The following CLEC16A variants were observed in gnomAD, a reference collection of about 807,000 sequenced individuals.
CLEC16A encodes the protein C-type lectin domain containing 16A.
CLEC16A carries 51 observed loss-of-function variants against 109.5 expected under a neutral mutation model. The ratio of observed to expected loss-of-function variants is 0.47; its 90% CI spans 0.37 to 0.59. CLEC16A has a LOEUF of 0.59. Among genes scored for constraint, CLEC16A ranks in the 20% least tolerant of loss-of-function variants. The pLI is 0.00. For missense variants in CLEC16A, 1,339 were observed against 1,394.0 expected, an observed-to-expected ratio of 0.96 and a Z score of 0.63; for synonymous variants, 673 against 564.2, an observed-to-expected ratio of 1.19 and a Z score of -2.73.
intron 1 of CLEC16A, among the ~76,000 whole-genome samples, chr16:10,948,229 G>C (rs2041532822): frequency 6.6e-6 from 1 of 152,176 alleles, no homozygotes. Context: ...GAGATTTACA[G>C]AAAGGTTGAG....
rs115118058 is a variant in CLEC16A at position 11,151,182 on chromosome 16, C to G, written c.2642-15206C>G. ...TTAATCCGCTTATACTGGCCACTTA[C>G]GTTGTTTCTACTACCTTATGAAGCA... On this transcript the variant is annotated intron_variant, in intron 22 of 23. Coordinates refer to ENST00000409790, the MANE Select transcript of CLEC16A (RefSeq NM_015226.3). Among the ~76,000 whole-genome samples, 1,323 of 152,332 alleles carry G rather than the reference C, an allele frequency of 8.7e-3. 21 individuals are homozygous for G. The highest frequency in any genetic ancestry group is 0.03 in the African/African-American group (1,251 of 41,564).
chr16:11,109,308 C>T (rs1209083487), intron 19 of CLEC16A, among the ~76,000 whole-genome samples: 1 of 151,760 alleles, frequency 6.6e-6, no homozygotes, highest in Non-Finnish European at 1.5e-5. Flanking sequence ...TGTGCACCAC[C>T]ACACCCAGCT....
intron 19 of CLEC16A, among the ~76,000 whole-genome samples, chr16:11,081,050 C>G (rs74409953): frequency 6.6e-6 from 1 of 152,200 alleles, no homozygotes; most frequent in Non-Finnish European, 1.5e-5. Context: ...CTGCGGGACA[C>G]GCTGCAATTG....
rs59658260 is a variant in CLEC16A, at chr16:10,959,014, G to GGTGTGTGTGT, written c.209+1133_209+1142dup. ...TGGGTTATGACAACCACTAAACACG[G>GGTGTGTGTGT]GTGTGTGTGTGTGTGTGTGTGTGTG... On this transcript the variant is annotated intron_variant, in intron 2 of 23. Coordinates refer to ENST00000409790, the MANE Select transcript of CLEC16A (RefSeq NM_015226.3). 5.8e-3 allele frequency among the ~76,000 whole-genome samples: 845 copies of GGTGTGTGTGT among 146,278 alleles called. 7 individuals are homozygous for GGTGTGTGTGT. The highest frequency in any genetic ancestry group is 0.013 in the African/African-American group (523 of 39,598).
At chr16:11,061,866 C>T (rs1168401049) in intron 19 of CLEC16A, among the ~76,000 whole-genome samples, 3 of 152,180 alleles carry the variant, frequency 2.0e-5, no homozygotes, top group African/African-American at 7.2e-5. Flanking sequence ...AGCTGCCTTC[C>T]TCCGTCTCCC....
intron 18 of CLEC16A, among the ~76,000 whole-genome samples, chr16:11,053,251 A>T (rs923532663): frequency 3.9e-5 from 6 of 152,210 alleles, no homozygotes; most frequent in Admixed American, 2.0e-4. Context: ...TTCTATGAAC[A>T]CATAGCCTCT....
intron 22 of CLEC16A, among the ~76,000 whole-genome samples, chr16:11,139,925 A>G (rs530937512): frequency 9.2e-5 from 14 of 152,352 alleles, no homozygotes; most frequent in African/African-American, 3.4e-4. Flanking sequence ...GCTTTACACA[A>G]AATAAGGAGA....
In CLEC16A at chr16:11,039,756, A is replaced by G. The variant is rs751260951; in HGVS notation, c.1540A>G (p.Met514Val). 6.3e-7 allele frequency: 1 copy of G among 1,598,454 alleles called. No individual in the cohort carries two copies. The highest frequency in any genetic ancestry group is 1.3e-5 in the African/African-American group (1 of 74,630). The stretch of plus-strand genomic sequence containing the variant: ...TACATCCTTCTCCTCTGTTCCAGGC[A>G]TGGATCCTGAAAAATTAGAGCGAAT... Reference protein sequence around the residue: ...LLYAMSHNKGMDPEKLERIQL... With the variant: ...LLYAMSHNKGVDPEKLERIQL... Residue 514 changes from methionine to valine, a missense_variant and splice_region_variant, in exon 14 of 24, where the codon ATG (methionine) becomes GTG (valine). This residue lies in a region of CLEC16A where 1,061 missense variants were observed against 1,006.8 expected (regional missense o/e 1.05). Coordinates refer to ENST00000409790, the MANE Select transcript of CLEC16A (RefSeq NM_015226.3).
At chr16:11,015,496 G>T (rs993723624) in intron 11 of CLEC16A, among the ~76,000 whole-genome samples, 1 of 152,192 alleles carries the variant, frequency 6.6e-6, no homozygotes, top group Non-Finnish European at 1.5e-5. Context: ...TTCCAGAAAG[G>T]GGCCTCATGG....
chr16:11,088,552 G>A (rs1463955787), intron 19 of CLEC16A, among the ~76,000 whole-genome samples: 1 of 152,230 alleles, frequency 6.6e-6, no homozygotes, highest in Non-Finnish European at 1.5e-5. Flanking sequence ...GAAGCTTGGT[G>A]CTCTCAGGGA....
chr16:11,130,424 C>G (rs530055156), intron 22 of CLEC16A, among the ~76,000 whole-genome samples: 3 of 152,300 alleles, frequency 2.0e-5, no homozygotes, highest in Middle Eastern at 3.4e-3. Flanking sequence ...AAGCAGCATC[C>G]CTCGGCTAAA....
At chr16:11,050,438 A>G (rs1482030711) in intron 17 of CLEC16A, among the ~76,000 whole-genome samples, 3 of 152,242 alleles carry the variant, frequency 2.0e-5, no homozygotes, top group Non-Finnish European at 4.4e-5. Context: ...GGTATGTTTG[A>G]AGCCCACTTT....
intron 22 of CLEC16A, chr16:11,156,785 G>A: frequency 1.4e-6 from 1 of 695,800 alleles, no homozygotes; most frequent in Non-Finnish European, 2.2e-6. Flanking sequence ...TCCAAAGCAA[G>A]GTTGCACCAC....
intron 18 of CLEC16A, among the ~76,000 whole-genome samples, chr16:11,060,640 C>G (rs1019096456): frequency 6.6e-6 from 1 of 152,110 alleles, no homozygotes; most frequent in African/African-American, 2.4e-5. Flanking sequence ...AAGGTCCTGG[C>G]AGATGACGGG....
intron 18 of CLEC16A, among the ~76,000 whole-genome samples, chr16:11,058,691 T>C (rs2048333287): frequency 6.6e-6 from 1 of 152,230 alleles, no homozygotes; most frequent in East Asian, 1.9e-4. Context: ...TTGGCCTATA[T>C]TGGGAGCCAA....
chr16:10,964,718 T>C (rs1465287077), intron 3 of CLEC16A, among the ~76,000 whole-genome samples: 4 of 152,212 alleles, frequency 2.6e-5, no homozygotes. Flanking sequence ...TTTTAGAGTG[T>C]TTCTCTGAAT....
At chr16:10,995,292 G>C (rs1240036700) in intron 10 of CLEC16A, among the ~76,000 whole-genome samples, 1 of 152,198 alleles carries the variant, frequency 6.6e-6, no homozygotes, top group Non-Finnish European at 1.5e-5. Context: ...GGAAGCAGTG[G>C]AGCCAGGACT....
At chr16:11,129,841 C>T (rs189560760) in intron 22 of CLEC16A, among the ~76,000 whole-genome samples, 48 of 151,092 alleles carry the variant, frequency 3.2e-4, no homozygotes, top group African/African-American at 1.2e-3. Flanking sequence ...TGGCTCACTG[C>T]AAGCTCCGCC....
chr16:11,116,249 G>A (rs1394991751), intron 19 of CLEC16A, among the ~76,000 whole-genome samples: 6 of 151,690 alleles, frequency 4.0e-5, no homozygotes, highest in Non-Finnish European at 8.8e-5. Context: ...AAAAAAAATA[G>A]CCAGGCGTGG....
Sources: gnomAD v4.1 joint callset for allele counts (sites outside exome capture counted in the v4.1 genomes callset) on GRCh38, gnomAD v4.1.1 for gene constraint, gnomAD v4.1.1 regional missense constraint, MANE v1.5 for transcripts, NCBI Gene and HGNC (gene_info 2026-07-23, HGNC 2026-07-21) for gene names.